Variants in PCA3 observed in about 807,000 individuals in gnomAD.
PCA3 encodes prostate cancer associated 3.
chr9:76,785,564 T>C (rs1301654155), intron 2 of PCA3: 2 of 152,138 alleles, frequency 1.3e-5, no homozygotes, highest in African/African-American at 4.8e-5. Flanking sequence ...TCATGGTGAG[T>C]GCGCTTTAGA....
chr9:76,769,762 CTT>C (rs2052887518), intron 2 of PCA3, among the ~76,000 whole-genome samples: 2 of 152,060 alleles, frequency 1.3e-5, no homozygotes, highest in Non-Finnish European at 2.9e-5. Context: ...TGTAGGAGAG[CTT>C]ATCAAAGTAG....
chr9:76,767,176 G>A (rs570365896), intron 2 of PCA3, among the ~76,000 whole-genome samples: 1 of 152,286 alleles, frequency 6.6e-6, no homozygotes, highest in Admixed American at 6.5e-5. Context: ...CTTTGGCCAG[G>A]CACTGTGGGT....
chr9:76,769,665 T>C (rs1235260786), intron 2 of PCA3, among the ~76,000 whole-genome samples: 1 of 152,182 alleles, frequency 6.6e-6, no homozygotes, highest in Admixed American at 6.5e-5. Flanking sequence ...CATCAGGTGA[T>C]CCGCCCGCCT....
intron 2 of PCA3, among the ~76,000 whole-genome samples, chr9:76,779,172 A>C (rs545736232): frequency 1.1e-4 from 17 of 152,338 alleles, no homozygotes; most frequent in Admixed American, 3.3e-4. Context: ...TGTTCACAGG[A>C]AATGCTTTAA....
intron 2 of PCA3, among the ~76,000 whole-genome samples, chr9:76,773,537 G>A (rs550644015): frequency 4.0e-5 from 6 of 149,666 alleles, no homozygotes; most frequent in African/African-American, 1.2e-4. Flanking sequence ...TCCACCTCCC[G>A]GGTTCAAGGG....
intron 2 of PCA3, chr9:76,783,997 G>A (rs1284869717): frequency 1.3e-5 from 2 of 152,228 alleles, no homozygotes; most frequent in African/African-American, 2.4e-5. Context: ...ATCCACTACC[G>A]ATTTTCTATT....
At chr9:76,786,392 T>C (rs1310162389) in intron 2 of PCA3, 2 of 152,402 alleles carry the variant, frequency 1.3e-5, no homozygotes, top group East Asian at 1.9e-4. Context: ...GCTGTCATCG[T>C]CCCCATCTCT....
At chr9:76,767,189 C>T (rs369321928) in intron 2 of PCA3, among the ~76,000 whole-genome samples, 37 of 152,136 alleles carry the variant, frequency 2.4e-4, no homozygotes, top group African/African-American at 4.3e-4. Context: ...CTGTGGGTCA[C>T]GCCTGTAATC....
intron 2 of PCA3, among the ~76,000 whole-genome samples, chr9:76,774,754 C>T (rs1387797468): frequency 1.3e-5 from 2 of 151,978 alleles, no homozygotes; most frequent in South Asian, 2.1e-4. Context: ...CCACTAGGCC[C>T]GACCCAATTC....
At chr9:76,765,054 T>C (rs1183932614) in intron 2 of PCA3, among the ~76,000 whole-genome samples, 3 of 152,170 alleles carry the variant, frequency 2.0e-5, no homozygotes, top group Non-Finnish European at 4.4e-5. Flanking sequence ...AATGGAGATA[T>C]CAAGCAGGCA....
chr9:76,773,887 G>A (rs2053405138), intron 2 of PCA3, among the ~76,000 whole-genome samples: 1 of 152,172 alleles, frequency 6.6e-6, no homozygotes, highest in Non-Finnish European at 1.5e-5. Context: ...CAGAAAAAAG[G>A]TGGAAAGTAA....
chr9:76,771,642 G>A (rs935905947), intron 2 of PCA3, among the ~76,000 whole-genome samples: 1 of 152,218 alleles, frequency 6.6e-6, no homozygotes, highest in South Asian at 2.1e-4. Context: ...CATCAAAGCA[G>A]TTGTACACAT....
chr9:76,779,392 G>A (rs1360661202), intron 2 of PCA3, among the ~76,000 whole-genome samples: 1 of 152,100 alleles, frequency 6.6e-6, no homozygotes, highest in African/African-American at 2.4e-5. Context: ...AGCCAACGTC[G>A]AATTTTGAAA....
chr9:76,765,673 A>G (rs1185481399), intron 2 of PCA3, among the ~76,000 whole-genome samples: 4 of 152,186 alleles, frequency 2.6e-5, no homozygotes, highest in Non-Finnish European at 5.9e-5. Context: ...GAGCCTTCAA[A>G]TGTAGAAGGC....
At chr9:76,779,391 C>T (rs2054137102) in intron 2 of PCA3, among the ~76,000 whole-genome samples, 2 of 152,066 alleles carry the variant, frequency 1.3e-5, no homozygotes, top group South Asian at 4.1e-4. Context: ...AAGCCAACGT[C>T]GAATTTTGAA....
intron 2 of PCA3, among the ~76,000 whole-genome samples, chr9:76,767,365 A>G (rs674941): frequency 1.3e-5 from 2 of 151,622 alleles, no homozygotes; most frequent in African/African-American, 4.8e-5. Context: ...GCAGGAGAAT[A>G]GCTTGAACTC....
At position 76,781,198 on chromosome 9, in the gene PCA3, T is replaced by G. The variant is rs371543340; in HGVS notation, n.853-27385T>G. 2.4e-4 allele frequency among the ~76,000 whole-genome samples: 37 copies of G among 152,320 alleles called. 1 individual carries two copies. In the East Asian group the frequency reaches 6.5e-3, roughly 27 times the overall value. ...TAACCCATCTCTTTATTTGCATTGTTACCTGCTTTCCATTAACTCTTTGCC... is the reference window on the plus strand; with the variant it reads ...TAACCCATCTCTTTATTTGCATTGTGACCTGCTTTCCATTAACTCTTTGCC... On this transcript the variant is annotated intron_variant and non_coding_transcript_variant, in intron 2 of 5. Transcript: ENST00000644657.
Position 76,776,518 on chromosome 9 carries a change from CT to C in PCA3, n.853-32049del, listed in dbSNP as rs796197139. ...CATTTTCTTTTTTTTTTTCTTTTTT[CT>C]TTTTTTTTTTTTTTTGAGATGAGTC... On this transcript the variant is annotated intron_variant and non_coding_transcript_variant, in intron 2 of 5. Transcript: ENST00000644657. Among the ~76,000 whole-genome samples, 820 of 122,786 alleles carry C rather than the reference CT, an allele frequency of 6.7e-3. 3 individuals are homozygous for C. The highest frequency in any genetic ancestry group is 0.018 in the African/African-American group (604 of 32,892). 80.6% of individuals were successfully genotyped at this position (122,786 alleles called of 152,430 possible). A position where few individuals can be genotyped will look rare whatever the true frequency, so the allele number is the denominator to read the frequency against.
chr9:76,773,713 G>A (rs1281793612), intron 2 of PCA3, among the ~76,000 whole-genome samples: 1 of 152,204 alleles, frequency 6.6e-6, no homozygotes, highest in East Asian at 1.9e-4. Context: ...CAAAGTGCTG[G>A]GATTACAGGC....
Sources: allele counts gnomAD v4.1 joint callset (sites outside exome capture counted in the v4.1 genomes callset), GRCh38; gene constraint gnomAD v4.1.1; transcripts MANE v1.5; gene names NCBI Gene and HGNC (gene_info 2026-07-23, HGNC 2026-07-21).